Variants in VAT1L observed in about 807,000 individuals in gnomAD.
VAT1L encodes putative NADPH-dependent quinone oxidoreductase VAT1L.
In VAT1L, 34 loss-of-function variants were observed where a neutral mutation model predicts 44.1. The observed-to-expected ratio is 0.77, with a 90% confidence interval of 0.59 to 1.03. VAT1L has a LOEUF of 1.03. Among genes scored for constraint, VAT1L ranks in the 50% least tolerant of loss-of-function variants. The pLI is 0.00. For synonymous variants in VAT1L, 253 were observed against 202.2 expected (o/e 1.25, Z -2.13); for missense variants, 615 against 538.8 (o/e 1.14, Z -1.40).
intron 7 of VAT1L, among the ~76,000 whole-genome samples, chr16:77,948,079 C>T (rs1023438444): frequency 1.3e-5 from 2 of 152,164 alleles, no homozygotes; most frequent in Non-Finnish European, 2.9e-5. Context: ...TCTTAAAACC[C>T]AATGGAAAAG....
chr16:77,942,070 G>C (rs964492548), intron 7 of VAT1L, among the ~76,000 whole-genome samples: 7 of 152,116 alleles, frequency 4.6e-5, no homozygotes, highest in Non-Finnish European at 1.5e-5. Context: ...AATGATTAGT[G>C]TATTAGTCCA....
chr16:77,929,114 G>A (rs916929723), intron 7 of VAT1L, among the ~76,000 whole-genome samples: 4 of 151,982 alleles, frequency 2.6e-5, no homozygotes, highest in Non-Finnish European at 4.4e-5. Context: ...GTGCCTAGCC[G>A]CTCTATTATT....
chr16:77,812,774 GTC>G (rs1875388680), intron 1 of VAT1L, among the ~76,000 whole-genome samples: 1 of 152,060 alleles, frequency 6.6e-6, no homozygotes, highest in African/African-American at 2.4e-5. Flanking sequence ...GCTTTTCAGG[GTC>G]TCTTTTTCAA....
At chr16:77,828,188 C>T (rs1324203249) in intron 3 of VAT1L, among the ~76,000 whole-genome samples, 1 of 152,222 alleles carries the variant, frequency 6.6e-6, no homozygotes, top group Non-Finnish European at 1.5e-5. Context: ...TCTAAGGAGT[C>T]CTGCAGAGAG....
intron 5 of VAT1L, among the ~76,000 whole-genome samples, chr16:77,878,639 AT>A (rs1192342355): frequency 6.6e-6 from 1 of 151,832 alleles, no homozygotes; most frequent in East Asian, 1.9e-4. Context: ...GGATCACACC[AT>A]TTCTTTGGTC....
At chr16:77,958,294 C>T (rs1439180616) in intron 7 of VAT1L, among the ~76,000 whole-genome samples, 1 of 152,168 alleles carries the variant, frequency 6.6e-6, no homozygotes, top group Non-Finnish European at 1.5e-5. Flanking sequence ...CTCTGGTTTT[C>T]ATCCTTCTCC....
intron 7 of VAT1L, among the ~76,000 whole-genome samples, chr16:77,896,358 C>T (rs1207194898): frequency 1.3e-5 from 2 of 150,556 alleles, no homozygotes; most frequent in African/African-American, 4.8e-5. Context: ...CTTTTAGATC[C>T]CATGGGCTTG....
At chr16:77,938,104 G>A (rs1371955789) in intron 7 of VAT1L, among the ~76,000 whole-genome samples, 2 of 152,166 alleles carry the variant, frequency 1.3e-5, no homozygotes, top group African/African-American at 2.4e-5. Flanking sequence ...GACCACTTGG[G>A]ACCAGTTCCT....
chr16:77,828,736 C>A (rs1256347675), intron 3 of VAT1L, among the ~76,000 whole-genome samples: 3 of 152,084 alleles, frequency 2.0e-5, no homozygotes, highest in Non-Finnish European at 4.4e-5. Flanking sequence ...ATGAGAGAAG[C>A]TACACTGCTG....
At chr16:77,843,517 A>G (rs1567484961) in intron 3 of VAT1L, among the ~76,000 whole-genome samples, 1 of 152,328 alleles carries the variant, frequency 6.6e-6, no homozygotes, top group East Asian at 1.9e-4. Flanking sequence ...CAGGGAATTA[A>G]TTACACCAGT....
At chr16:77,955,766 T>G (rs1355953906) in intron 7 of VAT1L, among the ~76,000 whole-genome samples, 1 of 139,386 alleles carries the variant, frequency 7.2e-6, no homozygotes, top group Non-Finnish European at 1.5e-5. Context: ...ATGAGTGAAA[T>G]GACCCAGGGA....
At chr16:77,791,195 T>G (rs1231130640) in intron 1 of VAT1L, among the ~76,000 whole-genome samples, 1 of 152,192 alleles carries the variant, frequency 6.6e-6, no homozygotes, top group African/African-American at 2.4e-5. Context: ...AGTTTTAGCC[T>G]TGGGATACAG....
intron 7 of VAT1L, among the ~76,000 whole-genome samples, chr16:77,933,488 C>T (rs926672128): frequency 2.0e-5 from 3 of 152,164 alleles, no homozygotes; most frequent in African/African-American, 7.2e-5. Flanking sequence ...GAATTTAAAA[C>T]TGTATGAGGA....
In VAT1L at chr16:77,924,988, A is replaced by G. The variant is rs991836330; in HGVS notation, c.1077+40186A>G. On this transcript the variant is annotated intron_variant, in intron 7 of 8. Transcript: ENST00000302536. ...AGATATGTAAAACTATCTCTGTCTA[A>G]TAGTGTATGCATTAAAGGTAAGAAT... Among the ~76,000 whole-genome samples the G allele has an allele frequency of 3.9e-5, 6 of 152,168 alleles. No homozygotes were observed. In the East Asian group the frequency reaches 1.2e-3, roughly 29 times the overall value.
chr16:77,878,423 T>C (rs2017112081), intron 5 of VAT1L, among the ~76,000 whole-genome samples: 1 of 152,182 alleles, frequency 6.6e-6, no homozygotes, highest in Admixed American at 6.5e-5. Context: ...CTGTATGGTA[T>C]TTGAATGTTC....
chr16:77,926,257 T>TAAAAAA (rs34182080), intron 7 of VAT1L, among the ~76,000 whole-genome samples: 1 of 112,806 alleles, frequency 8.9e-6, no homozygotes, highest in African/African-American at 3.4e-5. Context: ...CGTCTCAAAG[T>TAAAAAA]AAAAAAAAAA....
intron 1 of VAT1L, among the ~76,000 whole-genome samples, chr16:77,796,645 G>C (rs906403876): frequency 6.6e-6 from 1 of 152,188 alleles, no homozygotes. Flanking sequence ...ACGGTGCCTT[G>C]CACATGGTGG....
chr16:77,961,255 G>C (rs2018156798), intron 7 of VAT1L, among the ~76,000 whole-genome samples: 1 of 152,042 alleles, frequency 6.6e-6, no homozygotes, highest in Non-Finnish European at 1.5e-5. Context: ...CTGTCACCAA[G>C]GGGGCTTCTC....
At chr16:77,957,720 T>A (rs2018119293) in intron 7 of VAT1L, among the ~76,000 whole-genome samples, 1 of 150,510 alleles carries the variant, frequency 6.6e-6, no homozygotes, top group African/African-American at 2.4e-5. Context: ...CGAGACTCTG[T>A]CTCAAAAAAA....
Sources: gnomAD v4.1 joint callset for allele counts (sites outside exome capture counted in the v4.1 genomes callset) on GRCh38, gnomAD v4.1.1 for gene constraint, MANE v1.5 for transcripts, NCBI Gene and HGNC (gene_info 2026-07-23, HGNC 2026-07-21) for gene names.